The following GGT7 variants were observed in gnomAD, a reference collection of about 807,000 sequenced individuals.
The protein encoded by GGT7 is glutathione hydrolase 7.
GGT7 carries 30 observed loss-of-function variants against 69.2 expected under a neutral mutation model. The ratio of observed to expected loss-of-function variants is 0.43; its 90% confidence interval spans 0.32 to 0.59. The LOEUF is 0.59. Ranked by LOEUF, GGT7 falls within the 20% of genes least tolerant of loss-of-function variation. The probability of loss-of-function intolerance (pLI) is 0.05; values close to 1 mark genes in which losing one functional copy is unlikely to be tolerated. For synonymous variants in GGT7, 388 were observed against 391.8 expected (o/e 0.99, Z 0.12); for missense variants, 733 against 901.1 (o/e 0.81, Z 2.39).
In GGT7 at chr20:34,863,138, C is replaced by G. The variant is rs1456563194; in HGVS notation, c.406-173G>C. Among the ~76,000 whole-genome samples, 2 of 152,156 alleles carry G rather than the reference C, an allele frequency of 1.3e-5. No individual in the cohort carries two copies. The highest frequency in any genetic ancestry group is 2.9e-5 in the Non-Finnish European group (2 of 68,016). On this transcript the variant is annotated intron_variant, in intron 2 of 14. Transcript: ENST00000336431. This position sits in a 1 kb window ranked among gnomAD's most constrained non-coding sequence, Gnocchi z 4.4. ...TCCTAATGGATCTGTCCTTATTCTT[C>G]CTTGTTCTGTCTCCCTCATGCCCTG... is the stretch of plus-strand genomic sequence containing the variant.
At chr20:34,848,945 A>G (rs554525501) in intron 14 of GGT7, among the ~76,000 whole-genome samples, 1 of 152,316 alleles carries the variant, frequency 6.6e-6, no homozygotes, top group South Asian at 2.1e-4. Flanking sequence ...CTGTGCCAAA[A>G]TTAAGCCCTT....
intron 3 of GGT7, 104 bp downstream of exon 3, chr20:34,862,710 G>A: frequency 8.8e-7 from 1 of 1,131,238 alleles, no homozygotes; most frequent in Non-Finnish European, 1.3e-6. Context: ...AAGGAGTTGG[G>A]GCCCAAAAGC....
intron 7 of GGT7, among the ~76,000 whole-genome samples, chr20:34,857,634 T>TTC (rs1468749945): frequency 7.0e-6 from 1 of 143,792 alleles, no homozygotes; most frequent in Non-Finnish European, 1.5e-5. Context: ...TTTTTTTTTT[T>TTC]TGAGGCAGGG....
chr20:34,862,478 T>C (rs966005156), intron 3 of GGT7, among the ~76,000 whole-genome samples: 1 of 151,610 alleles, frequency 6.6e-6, no homozygotes, highest in African/African-American at 2.4e-5. Flanking sequence ...ATCAGACCCA[T>C]AGGGATTTAT....
At chr20:34,860,070 A>T in intron 5 of GGT7, 28 bp from the exon 6 acceptor site, 3 of 630,760 alleles carry the variant, frequency 4.8e-6, no homozygotes, top group Non-Finnish European at 7.0e-6. Flanking sequence ...CAGGGGGTGG[A>T]GGAGGTCCTG....
At chr20:34,852,038 T>C in intron 12 of GGT7, 117 bp downstream of exon 12, 2 of 743,184 alleles carry the variant, frequency 2.7e-6, no homozygotes, top group South Asian at 1.5e-5. Context: ...ACCTCTTCTT[T>C]AGGCTTCCTT....
chr20:34,855,678 G>A (rs912484467), intron 8 of GGT7, among the ~76,000 whole-genome samples: 3 of 152,144 alleles, frequency 2.0e-5, no homozygotes, highest in Non-Finnish European at 4.4e-5. Flanking sequence ...CCATTTTAAG[G>A]AGGGAACCAA....
Position 34,845,155 on chromosome 20 carries a change from A to ACC in GGT7, c.*172_*173insGG. 5 of 157,668 alleles carry ACC rather than the reference A, an allele frequency of 3.2e-5. No homozygotes were observed. The highest frequency in any genetic ancestry group is 1.4e-4 in the East Asian group (1 of 6,906). The allele number at this position is 157,668 out of a possible 1,614,324, so 9.8% of individuals were successfully genotyped here. A position where few individuals can be genotyped will look rare whatever the true frequency, so the allele number is the denominator to read the frequency against. On this transcript the variant is annotated 3_prime_UTR_variant, in exon 15 of 15. Coordinates refer to ENST00000336431, the MANE Select transcript of GGT7 (RefSeq NM_178026.3). ...CCACCACCACCACCACCACCACCAC[A>ACC]GGCCTCCTGATGGAGAATTTTCCAG... is the stretch of plus-strand genomic sequence containing the variant.
At chr20:34,847,908 A>T (rs2079324931) in intron 14 of GGT7, among the ~76,000 whole-genome samples, 1 of 152,172 alleles carries the variant, frequency 6.6e-6, no homozygotes, top group African/African-American at 2.4e-5. Flanking sequence ...CCTGGCCAGC[A>T]TGGTGAAACC....
chr20:34,844,993 T>C lies in GGT7; in HGVS notation c.*335A>G. ...GGGGTTGTGAGACCCTTGAGAAGGG[T>C]TTGCAAGCACATCCCTAAGCTCGGG... is the stretch of plus-strand genomic sequence containing the variant. On this transcript the variant is annotated 3_prime_UTR_variant, in exon 15 of 15. Transcript: ENST00000336431. 1 of 294,852 alleles carries C rather than the reference T, an allele frequency of 3.4e-6. No individual in the cohort carries two copies. The highest frequency in any genetic ancestry group is 6.4e-6 in the Non-Finnish European group (1 of 156,770). 18.3% of individuals were successfully genotyped at this position (294,852 alleles called of 1,614,324 possible).
intron 3 of GGT7, among the ~76,000 whole-genome samples, chr20:34,862,601 G>C (rs2079616564): frequency 1.4e-5 from 2 of 145,204 alleles, no homozygotes; most frequent in Non-Finnish European, 3.0e-5. Context: ...AAAAAAAAAA[G>C]CTTCTGAAAA....
chr20:34,859,605 C>T lies in GGT7; in HGVS notation c.852G>A (p.Met284Ile). 1.9e-6 allele frequency: 3 copies of T among 1,600,346 alleles called. No individual in the cohort carries two copies. The highest frequency in any genetic ancestry group is 2.6e-6 in the Non-Finnish European group (3 of 1,172,840). ...RALAEQLPPN[M>I]SERFRETFLP... is the part of the protein sequence containing the mutation. ...GGAACGTCTCCCGGAAGCGCTCGGA[C>T]ATGTTGGGTGGCAGCTGTTCAGCCA... Residue 284 changes from methionine to isoleucine, a missense_variant, in exon 7 of 15, where the codon ATG (methionine) becomes ATA (isoleucine). Met to Ile is a conservative substitution (Grantham distance 10, BLOSUM62 1). Coordinates refer to ENST00000336431, the MANE Select transcript of GGT7 (RefSeq NM_178026.3).
At chr20:34,845,758 T>C (rs1021378981) in intron 14 of GGT7, among the ~76,000 whole-genome samples, 18 of 152,306 alleles carry the variant, frequency 1.2e-4, no homozygotes, top group Admixed American at 8.5e-4. Context: ...GCAGTCATTC[T>C]TAATATTGAA....
At chr20:34,856,152 A>G (rs2079488448) in intron 8 of GGT7, among the ~76,000 whole-genome samples, 1 of 152,040 alleles carries the variant, frequency 6.6e-6, no homozygotes, top group South Asian at 2.1e-4. Context: ...CAGGTTGGAG[A>G]TTGAGGCCTG....
chr20:34,860,647 T>G (rs2079578679), intron 4 of GGT7, among the ~76,000 whole-genome samples: 1 of 71,066 alleles, frequency 1.4e-5, no homozygotes, highest in Admixed American at 1.2e-4. Flanking sequence ...CTTTTTTTTT[T>G]TTTTTTTTTT....
chr20:34,851,260 C>A lies in GGT7; in HGVS notation c.1696G>T (p.Ala566Ser). The A allele has an allele frequency of 6.2e-7, 1 of 1,613,842 alleles. No individual in the cohort carries two copies. The highest frequency in any genetic ancestry group is 8.5e-7 in the Non-Finnish European group (1 of 1,180,026). ...GTYLALGANG[A>S]ARGLSGLTQV... ...GTCAGGCCGCTGAGGCCCCGCGCAG[C>A]TCCATTGGCCCCCAGAGCGAGGTAG... Residue 566 changes from alanine to serine, a missense_variant, in exon 13 of 15, where the codon GCT becomes TCT. By Grantham distance (99) the Ala-to-Ser change is moderately conservative. Transcript: ENST00000336431.
intron 10 of GGT7, among the ~76,000 whole-genome samples, chr20:34,854,083 C>A (rs148187974): frequency 6.6e-6 from 1 of 152,108 alleles, no homozygotes; most frequent in Admixed American, 6.5e-5. Context: ...ACTACAGGCA[C>A]GCGCCACCAC....
Position 34,854,629 on chromosome 20 carries a change from C to T in GGT7, c.1231-10G>A. On this transcript the variant is annotated splice_polypyrimidine_tract_variant and intron_variant, in intron 9 of 14. Coordinates refer to ENST00000336431, the MANE Select transcript of GGT7 (RefSeq NM_178026.3). ...ATGCAATCTTCAGGGTCTGAAAATA[C>T]AGCAGGGATATGGAAGAGGCTGCCA... 1.9e-6 allele frequency: 3 copies of T among 1,605,258 alleles called. No homozygotes were observed. Among genetic ancestry groups the T allele is most frequent in the Middle Eastern group, 1.7e-4 (1 of 6,054 alleles).
At chr20:34,867,243 G>A (rs2079706621) in intron 1 of GGT7, among the ~76,000 whole-genome samples, 1 of 152,216 alleles carries the variant, frequency 6.6e-6, no homozygotes, top group African/African-American at 2.4e-5. Context: ...TTCAAAAGAA[G>A]TGTGGGAAAG....
Sources: allele counts gnomAD v4.1 joint callset (sites outside exome capture counted in the v4.1 genomes callset), GRCh38; gene constraint gnomAD v4.1.1; non-coding constraint Gnocchi (gnomAD v3.1); transcripts MANE v1.5; gene names NCBI Gene and HGNC (gene_info 2026-07-23, HGNC 2026-07-21).